EPHB1: variants seen among roughly 807,000 people sequenced by gnomAD.
EPHB1 encodes the protein ephrin type-B receptor 1.
In EPHB1, 30 loss-of-function variants were observed where a neutral mutation model predicts 94.4. The ratio of observed to expected loss-of-function variants is 0.32; its 90% CI spans 0.24 to 0.43. The LOEUF (loss-of-function observed/expected upper bound fraction) is 0.43. Ranked by LOEUF, EPHB1 falls within the 20% of genes least tolerant of loss-of-function variation. The pLI is 1.00. For missense variants in EPHB1, 1,055 were observed against 1,308.3 expected, an observed-to-expected ratio of 0.81 and a Z score of 2.99; for synonymous variants, 522 against 489.1, an observed-to-expected ratio of 1.07 and a Z score of -0.89.
intron 12 of EPHB1, among the ~76,000 whole-genome samples, chr3:135,211,482 G>A (rs1387901155): frequency 1.2e-4 from 18 of 152,104 alleles, no homozygotes; most frequent in South Asian, 2.1e-4. Context: ...CAGGTCTCTG[G>A]CAATGCATTT....
At chr3:135,100,805 T>C (rs1405028376) in intron 3 of EPHB1, among the ~76,000 whole-genome samples, 2 of 152,158 alleles carry the variant, frequency 1.3e-5, no homozygotes, top group African/African-American at 4.8e-5. Context: ...AGAGGTGACA[T>C]GCACCTATCC....
chr3:135,127,307 G>A (rs1940244234), intron 4 of EPHB1, among the ~76,000 whole-genome samples: 2 of 152,212 alleles, frequency 1.3e-5, no homozygotes, highest in African/African-American at 4.8e-5. Flanking sequence ...AAGTGGTCAT[G>A]CACAGAGTAG....
chr3:135,176,152 G>A (rs373419356), intron 9 of EPHB1, among the ~76,000 whole-genome samples: 37 of 152,202 alleles, frequency 2.4e-4, no homozygotes, highest in African/African-American at 7.7e-4. Flanking sequence ...GAGCCCTTAC[G>A]TGCTTGGTTG....
At chr3:134,948,501 A>T (rs1480997550) in intron 2 of EPHB1, among the ~76,000 whole-genome samples, 1 of 152,212 alleles carries the variant, frequency 6.6e-6, no homozygotes, top group East Asian at 1.9e-4. Flanking sequence ...ACTTTAATAA[A>T]CACATTTGAT....
intron 1 of EPHB1, among the ~76,000 whole-genome samples, chr3:134,871,532 A>G (rs770461423): frequency 1.6e-4 from 25 of 152,148 alleles, no homozygotes; most frequent in Non-Finnish European, 2.8e-4. Flanking sequence ...CTTCTTCACC[A>G]TTATAATAAT....
At chr3:134,900,204 A>C (rs2038173508) in intron 1 of EPHB1, among the ~76,000 whole-genome samples, 1 of 152,192 alleles carries the variant, frequency 6.6e-6, no homozygotes, top group Non-Finnish European at 1.5e-5. Context: ...CTCAGACATG[A>C]TGACTGTCAT....
chr3:135,057,649 G>C (rs986043414), intron 3 of EPHB1, among the ~76,000 whole-genome samples: 1 of 152,166 alleles, frequency 6.6e-6, no homozygotes, highest in Non-Finnish European at 1.5e-5. Flanking sequence ...CAGGTTCTCT[G>C]AGTATGGTGG....
intron 5 of EPHB1, among the ~76,000 whole-genome samples, chr3:135,151,811 G>T (rs971278712): frequency 9.2e-5 from 14 of 152,258 alleles, no homozygotes; most frequent in Admixed American, 2.0e-4. Context: ...CACCGTAAAG[G>T]TTGAGATACA....
At chr3:135,041,400 C>T (rs901899119) in intron 3 of EPHB1, among the ~76,000 whole-genome samples, 25 of 152,140 alleles carry the variant, frequency 1.6e-4, no homozygotes, top group African/African-American at 5.8e-4. Context: ...TGTTCATGGC[C>T]TTCCTGTAAA....
chr3:135,160,698 G>T (rs1941481096), intron 6 of EPHB1, among the ~76,000 whole-genome samples: 1 of 152,200 alleles, frequency 6.6e-6, no homozygotes, highest in Non-Finnish European at 1.5e-5. Flanking sequence ...CTGTGAAAAT[G>T]ATTAGAGGCC....
At chr3:134,906,153 G>A (rs147516131) in intron 1 of EPHB1, among the ~76,000 whole-genome samples, 67 of 152,276 alleles carry the variant, frequency 4.4e-4, no homozygotes, top group Non-Finnish European at 6.0e-4. Context: ...AATGAGGCCT[G>A]TGTTCCCCAT....
At chr3:135,037,564 T>C (rs974824243) in intron 3 of EPHB1, among the ~76,000 whole-genome samples, 1 of 152,206 alleles carries the variant, frequency 6.6e-6, no homozygotes, top group African/African-American at 2.4e-5. Flanking sequence ...CCAGAGAGTT[T>C]AGGTGACTTG....
chr3:135,099,318 TGGAC>T lies in EPHB1; in HGVS notation c.806-7126_806-7123del, dbSNP rs748226399. ...TACATTGGATGGATGGATGGATGGA[TGGAC>T]GGATGGATGGACGGATGGATGGATG... On this transcript the variant is annotated intron_variant, in intron 3 of 15. Transcript: ENST00000398015. Among the ~76,000 whole-genome samples the T allele has an allele frequency of 1.6e-3, 33 of 21,170 alleles. No homozygotes were observed. The East Asian group carries it at 0.21, about 137-fold the overall frequency. The allele number at this position is 21,170 out of a possible 152,430, so 13.9% of individuals were successfully genotyped here.
intron 9 of EPHB1, 22 bp downstream of exon 9, chr3:135,167,028 G>A (rs760904530): frequency 1.2e-5 from 19 of 1,613,428 alleles, no homozygotes; most frequent in South Asian, 4.4e-5. Context: ...GCAGAGACCC[G>A]GTGTCTGACC....
intron 1 of EPHB1, among the ~76,000 whole-genome samples, chr3:134,839,928 C>G (rs550809038): frequency 8.5e-5 from 13 of 152,216 alleles, no homozygotes; most frequent in Admixed American, 2.0e-4. Context: ...ACTGAGACCC[C>G]CTAAAGGAGT....
chr3:135,162,730 A>C (rs142958025), intron 7 of EPHB1, among the ~76,000 whole-genome samples: 8 of 152,300 alleles, frequency 5.3e-5, no homozygotes, highest in Non-Finnish European at 8.8e-5. Flanking sequence ...AAGGCCAGAA[A>C]GTCTATCACC....
At chr3:134,903,446 T>TCTGTG (rs1355813612) in intron 1 of EPHB1, among the ~76,000 whole-genome samples, 71 of 152,346 alleles carry the variant, frequency 4.7e-4, no homozygotes, top group Admixed American at 1.6e-3. Flanking sequence ...TCAGCTTGCC[T>TCTGTG]CAAGGCCTAG....
intron 15 of EPHB1, among the ~76,000 whole-genome samples, chr3:135,251,908 T>G (rs901576431): frequency 6.6e-6 from 1 of 152,168 alleles, no homozygotes; most frequent in Non-Finnish European, 1.5e-5. Flanking sequence ...CCTGCATGGG[T>G]GCTGAGAACC....
chr3:135,146,169 G>A (rs1941003094), intron 5 of EPHB1, among the ~76,000 whole-genome samples: 1 of 152,170 alleles, frequency 6.6e-6, no homozygotes, highest in South Asian at 2.1e-4. Flanking sequence ...GTCAGGCAAG[G>A]ATAAGCAGTG....
Sources: gnomAD v4.1 joint callset for allele counts (sites outside exome capture counted in the v4.1 genomes callset) on GRCh38, gnomAD v4.1.1 for gene constraint, MANE v1.5 for transcripts, NCBI Gene and HGNC (gene_info 2026-07-23, HGNC 2026-07-21) for gene names.